Variants in ITSN2 observed in about 807,000 individuals in gnomAD.
ITSN2 encodes intersectin 2.
In ITSN2, 156 loss-of-function variants were observed where a neutral mutation model predicts 243.7. That is an observed-to-expected ratio of 0.64 (90% confidence interval 0.56 to 0.73). The LOEUF is 0.73. ITSN2 is among the 30% of genes least tolerant of loss of function. ITSN2 has a pLI of 0.00. For missense variants in ITSN2, 1,801 were observed against 1,996.1 expected (o/e 0.90, Z 1.86); for synonymous variants, 703 against 699.9 (o/e 1.00, Z -0.07).
At chr2:24,310,228 T>C (rs1642596164) in intron 7 of ITSN2, 56 bp downstream of exon 7, 4 of 1,136,050 alleles carry the variant, frequency 3.5e-6, no homozygotes, top group Non-Finnish European at 5.2e-6. Flanking sequence ...AATCATTTGT[T>C]AAATAAAGAC....
intron 29 of ITSN2, among the ~76,000 whole-genome samples, chr2:24,223,021 C>T (rs1670633345): frequency 6.6e-6 from 1 of 152,124 alleles, no homozygotes; most frequent in South Asian, 2.1e-4. Context: ...GAGAGTCTCC[C>T]TCTCCGTTAT....
chr2:24,298,631 A>G (rs1681307788), intron 13 of ITSN2, 34 bp downstream of exon 13: 1 of 1,581,714 alleles, frequency 6.3e-7, no homozygotes, highest in Non-Finnish European at 8.6e-7. Context: ...CTCCATCATC[A>G]TTCAGATAAA....
At chr2:24,272,446 T>TA (rs1274952774) in intron 18 of ITSN2, among the ~76,000 whole-genome samples, 2 of 148,540 alleles carry the variant, frequency 1.3e-5, no homozygotes, top group East Asian at 2.0e-4. Flanking sequence ...TTTTTTTTTT[T>TA]AAAGAGAGAG....
At chr2:24,272,585 C>T (rs1453573786) in intron 18 of ITSN2, among the ~76,000 whole-genome samples, 2 of 152,010 alleles carry the variant, frequency 1.3e-5, no homozygotes, top group East Asian at 3.9e-4. Context: ...GCACATGCCA[C>T]TATACCTAGC....
chr2:24,275,233 T>A lies in ITSN2; in HGVS notation c.2081+480A>T, dbSNP rs117173817. Among the ~76,000 whole-genome samples, 36 of 152,360 alleles carry A rather than the reference T, an allele frequency of 2.4e-4. 1 individual carries two copies. The East Asian group carries it at 6.5e-3, about 28-fold the overall frequency. On this transcript the variant is annotated intron_variant, in intron 18 of 39. Transcript: ENST00000355123. ...TAGCTACATTATTTTATTTTTTAAC[T>A]TAAGAGACAAGGTCTTGCTATGTTG... is the stretch of plus-strand genomic sequence containing the variant.
At chr2:24,257,771 G>T in intron 23 of ITSN2, 117 bp downstream of exon 23, 1 of 843,794 alleles carries the variant, frequency 1.2e-6, no homozygotes, top group Non-Finnish European at 1.9e-6. Context: ...TTACCTTTCT[G>T]ATATTCAAAC....
chr2:24,222,681 T>C (rs1395350074), intron 29 of ITSN2, among the ~76,000 whole-genome samples: 4 of 139,688 alleles, frequency 2.9e-5, no homozygotes, highest in Non-Finnish European at 6.2e-5. Flanking sequence ...TTTTTTTTTT[T>C]TTTTTTTTTT....
chr2:24,284,748 A>G lies in ITSN2; in HGVS notation c.1944+15T>C. ...AAGTAACTCAAAGAAAAGAAGCTAG[A>G]TATTAGAAAATAACCTTAAGTAAGA... On this transcript the variant is annotated intron_variant, in intron 17 of 39. Coordinates refer to ENST00000355123, the MANE Select transcript of ITSN2 (RefSeq NM_006277.3). 6.8e-7 allele frequency: 1 copy of G among 1,466,714 alleles called. No homozygotes were observed. The highest frequency in any genetic ancestry group is 9.5e-7 in the Non-Finnish European group (1 of 1,050,444). 90.9% of individuals were successfully genotyped at this position (1,466,714 alleles called of 1,614,324 possible). A position where few individuals can be genotyped will look rare whatever the true frequency, so the allele number is the denominator to read the frequency against.
chr2:24,287,579 A>C (rs959633602), intron 15 of ITSN2, among the ~76,000 whole-genome samples: 3 of 152,136 alleles, frequency 2.0e-5, no homozygotes, highest in African/African-American at 7.2e-5. Flanking sequence ...GCTGGATCAT[A>C]CAAGAGTTCT....
intron 15 of ITSN2, among the ~76,000 whole-genome samples, chr2:24,291,329 G>A (rs187410645): frequency 3.9e-5 from 6 of 151,932 alleles, no homozygotes; most frequent in Non-Finnish European, 7.4e-5. Flanking sequence ...GGGTTTCACC[G>A]CATTGGCCAG....
intron 20 of ITSN2, among the ~76,000 whole-genome samples, chr2:24,262,490 G>C (rs751691429): frequency 3.9e-5 from 6 of 151,932 alleles, no homozygotes; most frequent in African/African-American, 7.3e-5. Flanking sequence ...CAATTTCATT[G>C]CTTCTCCCAG....
intron 23 of ITSN2, among the ~76,000 whole-genome samples, chr2:24,254,886 T>A (rs1198397597): frequency 1.3e-5 from 2 of 152,230 alleles, no homozygotes; most frequent in Non-Finnish European, 2.9e-5. Flanking sequence ...AACATTAATT[T>A]CCATTTTAAC....
intron 15 of ITSN2, among the ~76,000 whole-genome samples, chr2:24,290,152 T>A (rs1254914177): frequency 2.6e-5 from 4 of 152,210 alleles, no homozygotes; most frequent in African/African-American, 9.7e-5. Context: ...AAACTACTAT[T>A]CCAAAAAAGC....
At chr2:24,303,940 AAATAAC>A in intron 8 of ITSN2, 78 bp from the exon 9 acceptor site, 1 of 973,576 alleles carries the variant, frequency 1.0e-6, no homozygotes, top group Non-Finnish European at 1.7e-6. Flanking sequence ...TGTATCTGTA[AAATAAC>A]AATGCTACCA....
At chr2:24,345,824 C>A (rs1687473872) in intron 1 of ITSN2, among the ~76,000 whole-genome samples, 1 of 152,018 alleles carries the variant, frequency 6.6e-6, no homozygotes. Context: ...TTTCATTATA[C>A]CAATTTAAAT....
chr2:24,357,552 G>A (rs1438446121), intron 1 of ITSN2, among the ~76,000 whole-genome samples: 2 of 152,068 alleles, frequency 1.3e-5, no homozygotes, highest in Non-Finnish European at 2.9e-5. Context: ...GTATACCTAT[G>A]TAACAAACCT....
intron 1 of ITSN2, among the ~76,000 whole-genome samples, chr2:24,337,343 T>TATATATATATATATATATAC (rs1558650809): frequency 1.7e-5 from 2 of 119,514 alleles, no homozygotes; most frequent in Non-Finnish European, 3.5e-5. Context: ...TATATATATA[T>TATATATATATATATATATAC]ATATATATAT....
At chr2:24,255,313 T>C (rs907005153) in intron 23 of ITSN2, among the ~76,000 whole-genome samples, 12 of 152,230 alleles carry the variant, frequency 7.9e-5, no homozygotes, top group Non-Finnish European at 1.6e-4. Flanking sequence ...ATGGTTGTTG[T>C]TACTGTTATT....
At chr2:24,247,566 G>A (rs1031466046) in intron 27 of ITSN2, among the ~76,000 whole-genome samples, 1 of 152,058 alleles carries the variant, frequency 6.6e-6, no homozygotes, top group African/African-American at 2.4e-5. Flanking sequence ...TGGGGGCCTC[G>A]AACTCAGCAT....
Sources: gnomAD v4.1 joint callset for allele counts (sites outside exome capture counted in the v4.1 genomes callset) on GRCh38, gnomAD v4.1.1 for gene constraint, MANE v1.5 for transcripts, NCBI Gene and HGNC (gene_info 2026-07-23, HGNC 2026-07-21) for gene names.